Variants in POLD1 observed in about 807,000 individuals in gnomAD.
POLD1 encodes DNA polymerase delta catalytic subunit.
In POLD1, 79 loss-of-function variants were observed where a neutral mutation model predicts 129.7. The ratio of observed to expected loss-of-function variants is 0.61; its 90% confidence interval spans 0.51 to 0.73. The LOEUF is 0.73. Ranked by LOEUF, POLD1 falls within the 30% of genes least tolerant of loss-of-function variation. POLD1 has a pLI of 0.00. For missense variants in POLD1, 1,338 were observed against 1,595.8 expected, an observed-to-expected ratio of 0.84 and a Z score of 2.75; for synonymous variants, 714 against 683.3, an observed-to-expected ratio of 1.04 and a Z score of -0.70.
chr19:50,399,815 A>G (rs1289103729), intron 3 of POLD1, among the ~76,000 whole-genome samples: 1 of 152,176 alleles, frequency 6.6e-6, no homozygotes, highest in Non-Finnish European at 1.5e-5. Context: ...CCAAAAGTCA[A>G]TTTGACTTCT....
intron 1 of POLD1, among the ~76,000 whole-genome samples, chr19:50,388,557 C>G (rs1436123472): frequency 6.6e-6 from 1 of 152,176 alleles, no homozygotes; most frequent in Non-Finnish European, 1.5e-5. Flanking sequence ...TTCTGCCCAC[C>G]TTGTAAATTT....
chr19:50,391,440 A>C (rs1421162022), intron 1 of POLD1, among the ~76,000 whole-genome samples: 2 of 152,222 alleles, frequency 1.3e-5, no homozygotes, highest in Non-Finnish European at 2.9e-5. Flanking sequence ...CTCCGTCTGC[A>C]ATCCCGGCAC....
At chr19:50,415,655 TC>T in intron 21 of POLD1, 65 bp downstream of exon 21, 2 of 1,539,178 alleles carry the variant, frequency 1.3e-6, no homozygotes, top group Non-Finnish European at 1.8e-6. Flanking sequence ...TGGGCCCACT[TC>T]CTACACCCTC....
rs1060501823 is a variant in POLD1 at position 50,402,694 on chromosome 19, C to A, written c.923C>A (p.Ala308Glu). 1 of 1,599,398 alleles carries A rather than the reference C, an allele frequency of 6.3e-7. No individual in the cohort carries two copies. Among genetic ancestry groups the A allele is most frequent in the Non-Finnish European group, 8.5e-7 (1 of 1,170,894 alleles). ...CCGGAAGGGCCATGGCAGCGCATTGCGCCCTTGCGCGTGCTCAGCTTCGAT... is the reference window on the plus strand; with the variant it reads ...CCGGAAGGGCCATGGCAGCGCATTGAGCCCTTGCGCGTGCTCAGCTTCGAT... Reference protein sequence around the residue: ...HPPEGPWQRIAPLRVLSFDIE... With the variant: ...HPPEGPWQRIEPLRVLSFDIE... The change falls in exon 8 of 27, where the codon GCG becomes GAG. Residue 308 changes from alanine to glutamate, a missense_variant. Physicochemically the swap from Ala to Glu is moderately radical, Grantham distance 107. This residue lies in a region of POLD1 where 720 missense variants were observed against 1,002.6 expected (regional missense o/e 0.72). Coordinates refer to ENST00000440232, the MANE Select transcript of POLD1 (RefSeq NM_002691.4).
intron 1 of POLD1, among the ~76,000 whole-genome samples, chr19:50,396,923 C>G (rs1205828572): frequency 1.3e-5 from 2 of 148,754 alleles, no homozygotes; most frequent in African/African-American, 5.0e-5. Flanking sequence ...TGGCGAAACC[C>G]TGTCTCTACT....
intron 3 of POLD1, among the ~76,000 whole-genome samples, chr19:50,400,129 A>G (rs1413507791): frequency 2.5e-5 from 3 of 121,528 alleles, no homozygotes; most frequent in Admixed American, 8.5e-5. Flanking sequence ...TGACTTTTTA[A>G]AAGATTTTTT....
intron 1 of POLD1, among the ~76,000 whole-genome samples, chr19:50,392,134 A>G (rs2038197444): frequency 6.6e-6 from 1 of 152,116 alleles, no homozygotes; most frequent in East Asian, 1.9e-4. Context: ...GCAGTGGTGC[A>G]GTCATGGCTC....
In POLD1 at chr19:50,402,437, C is replaced by A. The variant is rs542342541; in HGVS notation, c.759-17C>A. ...CCCTCGGGCAGCCCCTGTCCACTGA[C>A]CCCCAGCCCCCTCCAGGTTCATGGT... On this transcript the variant is annotated splice_polypyrimidine_tract_variant and intron_variant, in intron 6 of 26. Transcript: ENST00000440232. 9.9e-6 allele frequency: 16 copies of A among 1,612,524 alleles called. No homozygotes were observed. In the South Asian group the frequency reaches 1.3e-4, roughly 13 times the overall value.
intron 13 of POLD1, 46 bp from the exon 14 acceptor site, chr19:50,407,281 C>A: frequency 6.4e-7 from 1 of 1,564,798 alleles, no homozygotes; most frequent in South Asian, 1.1e-5. Context: ...CCAATCCGCA[C>A]GGCCCCACCT....
intron 22 of POLD1, chr19:50,416,115 C>G (rs1601245455): frequency 5.2e-6 from 3 of 582,272 alleles, no homozygotes; most frequent in Admixed American, 3.1e-5. Flanking sequence ...ACCCCCACCC[C>G]CAGTGACCCA....
Position 50,417,157 on chromosome 19 carries a change from CGCT to C in POLD1, c.3121-12_3121-10del, listed in dbSNP as rs1568641515. Reference sequence around the variant, plus strand: ...GGGAGGCGGGGGCGCCCTGCTCAGCCGCTGCCGTCCCCAGGTATCCCATCTGAA... The same window carrying C: ...GGGAGGCGGGGGCGCCCTGCTCAGCCGCCGTCCCCAGGTATCCCATCTGAA... On this transcript the variant is annotated splice_polypyrimidine_tract_variant and intron_variant, in intron 25 of 26. Transcript: ENST00000440232. 1 of 1,585,334 alleles carries C rather than the reference CGCT, an allele frequency of 6.3e-7. No individual in the cohort carries two copies. Among genetic ancestry groups the C allele is most frequent in the South Asian group, 1.1e-5 (1 of 87,778 alleles).
chr19:50,395,117 A>T (rs890471342), intron 1 of POLD1: 2 of 149,274 alleles, frequency 1.3e-5, no homozygotes, highest in Non-Finnish European at 3.0e-5. Flanking sequence ...TGCTGGGATT[A>T]TAGGTGCGAG....
chr19:50,395,876 C>CTTTATTTT (rs2038341948), intron 1 of POLD1, among the ~76,000 whole-genome samples: 1 of 73,656 alleles, frequency 1.4e-5, no homozygotes, highest in African/African-American at 5.6e-5. Flanking sequence ...AGGATATATA[C>CTTTATTTT]TTTTTTTTTT....
In POLD1 at chr19:50,402,532, G is replaced by T. The variant is rs929578064; in HGVS notation, c.837G>T (p.Glu279Asp). The change falls in exon 7 of 27, where the codon GAG (glutamate) becomes GAT (aspartate). Residue 279 changes from glutamate to aspartate, a missense_variant. By Grantham distance (45) the Glu-to-Asp change is conservative. Coordinates refer to ENST00000440232, the MANE Select transcript of POLD1 (RefSeq NM_002691.4). ...PAGKYALRLK[E>D]KATQCQLEAD... ...GGAAATACGCCCTGAGGCTGAAGGA[G>T]AAGGTGCAGGGCTTCCCAGGGCAGG... is the stretch of plus-strand genomic sequence containing the variant. 1.3e-6 allele frequency: 2 copies of T among 1,597,562 alleles called. No homozygotes were observed. Among genetic ancestry groups the T allele is most frequent in the Admixed American group, 3.5e-5 (2 of 57,364 alleles).
chr19:50,406,330 C>T lies in POLD1; in HGVS notation c.1383+8C>T, dbSNP rs374719944. 1.2e-4 allele frequency: 192 copies of T among 1,613,478 alleles called. 1 individual carries two copies. The highest frequency in any genetic ancestry group is 5.8e-4 in the South Asian group (53 of 91,056). On this transcript the variant is annotated splice_region_variant and intron_variant, in intron 11 of 26. Coordinates refer to ENST00000440232, the MANE Select transcript of POLD1 (RefSeq NM_002691.4). This position sits in a 1 kb window ranked among gnomAD's most constrained non-coding sequence, Gnocchi z 5.5. Reference sequence around the variant, plus strand: ...CAGATGGACATGCTGCAGGTATGGGCGGGAGGTGGGGTGTGTCCCTGTCCT... The same window carrying T: ...CAGATGGACATGCTGCAGGTATGGGTGGGAGGTGGGGTGTGTCCCTGTCCT...
intron 10 of POLD1, among the ~76,000 whole-genome samples, chr19:50,403,954 A>G (rs2038768204): frequency 6.6e-6 from 1 of 151,662 alleles, no homozygotes. Context: ...AGGAGGGGGG[A>G]GTGTGTTGAC....
rs763951036 is a variant in POLD1 at position 50,417,072 on chromosome 19, G to T, written c.3095G>T (p.Arg1032Leu). 1.3e-6 allele frequency: 2 copies of T among 1,554,082 alleles called. 1 individual carries two copies. The highest frequency in any genetic ancestry group is 3.5e-4 in the Middle Eastern group (2 of 5,702). ...QGAVCEFCQP[R>L]ESELYQKEVS... ...GCCGTGTGTGAGTTCTGCCAGCCCC[G>T]GGAGTCTGAGCTGTATCAGAAGGAG... is the stretch of plus-strand genomic sequence containing the variant. Residue 1032 changes from arginine to leucine, a missense_variant, in exon 25 of 27, where the codon CGG (arginine) becomes CTG (leucine). By Grantham distance (102) the Arg-to-Leu change is moderately radical. Around this residue, in one of 3 missense-constraint regions of POLD1, gnomAD observed 286 missense variants for 277.5 expected, o/e 1.03. Transcript: ENST00000440232.
At chr19:50,408,674 T>G in intron 14 of POLD1, 111 bp from the exon 15 acceptor site, 1 of 1,509,828 alleles carries the variant, frequency 6.6e-7, no homozygotes, top group Non-Finnish European at 8.9e-7. Flanking sequence ...CGAGCACTGC[T>G]CCCAGCCAAT....
chr19:50,402,218 C>T lies in POLD1; in HGVS notation c.603C>T (p.Tyr201=), dbSNP rs1282088744. The change falls in exon 6 of 27, where the codon TAC becomes TAT. Residue 201 remains tyrosine (Y), a synonymous_variant. Coordinates refer to ENST00000440232, the MANE Select transcript of POLD1 (RefSeq NM_002691.4). ...ELCSRESMFG[Y]HGHGPSPFLR... is the part of the protein sequence containing the mutation. ...TTCCATCCACAGGCATGTTTGGGTA[C>T]CACGGGCACGGCCCCTCCCCGTTCC... The T allele has an allele frequency of 1.3e-6, 2 of 1,584,310 alleles. No homozygotes were observed. The highest frequency in any genetic ancestry group is 1.7e-6 in the Non-Finnish European group (2 of 1,164,158).
Sources: gnomAD v4.1 joint callset for allele counts (sites outside exome capture counted in the v4.1 genomes callset) on GRCh38, gnomAD v4.1.1 for gene constraint, gnomAD v4.1.1 regional missense constraint, Gnocchi (gnomAD v3.1) non-coding constraint, MANE v1.5 for transcripts, NCBI Gene and HGNC (gene_info 2026-07-23, HGNC 2026-07-21) for gene names.